TDRD9: variants seen among roughly 807,000 people sequenced by gnomAD.
TDRD9 encodes the protein tudor domain containing 9, also known as ATP-dependent RNA helicase TDRD9.
Under a neutral mutation model 172.6 loss-of-function variants are expected in TDRD9, and 124 were observed. The observed-to-expected ratio is 0.72, with a 90% CI of 0.62 to 0.83. The LOEUF (loss-of-function observed/expected upper bound fraction) is 0.83, where lower values mean the gene tolerates loss of function less well. TDRD9 is among the 40% of genes least tolerant of loss of function. The pLI is 0.00. For synonymous variants in TDRD9, 619 were observed against 617.1 expected, an observed-to-expected ratio of 1.00 and a Z score of -0.05; for missense variants, 1,479 against 1,714.1, an observed-to-expected ratio of 0.86 and a Z score of 2.42.
At chr14:103,947,805 G>A (rs189993336) in intron 1 of TDRD9, among the ~76,000 whole-genome samples, 28 of 152,258 alleles carry the variant, frequency 1.8e-4, no homozygotes, top group Non-Finnish European at 3.7e-4. Context: ...ACTTCACATC[G>A]TATGTGGCAA....
chr14:104,040,950 T>C (rs1165782621), intron 33 of TDRD9, among the ~76,000 whole-genome samples: 3 of 152,236 alleles, frequency 2.0e-5, no homozygotes, highest in Admixed American at 6.5e-5. Context: ...TTCATCGTTA[T>C]AGTAATTTAT....
intron 1 of TDRD9, among the ~76,000 whole-genome samples, chr14:103,940,217 G>T (rs1354670181): frequency 6.6e-6 from 1 of 152,118 alleles, no homozygotes; most frequent in Non-Finnish European, 1.5e-5. Context: ...TATCTTTACT[G>T]ATAGAGCTGA....
intron 4 of TDRD9, among the ~76,000 whole-genome samples, chr14:103,965,956 C>T (rs1027382745): frequency 6.6e-6 from 1 of 151,138 alleles, no homozygotes; most frequent in African/African-American, 2.4e-5. Flanking sequence ...AAACAAAAAA[C>T]AAACAAACAA....
At chr14:103,965,663 G>T (rs536305475) in intron 4 of TDRD9, 109 bp downstream of exon 4, 1 of 1,005,762 alleles carries the variant, frequency 9.9e-7, no homozygotes, top group African/African-American at 1.6e-5. Flanking sequence ...ATTTTCTGCT[G>T]AAAATTAGTT....
chr14:103,986,405 T>C (rs1341073975), intron 8 of TDRD9, 85 bp downstream of exon 8: 3 of 968,610 alleles, frequency 3.1e-6, no homozygotes, highest in Non-Finnish European at 4.6e-6. Context: ...AGTGTTTTTA[T>C]AAGAAGGTAT....
chr14:104,043,273 G>T (rs1344289656), intron 34 of TDRD9, among the ~76,000 whole-genome samples: 1 of 146,298 alleles, frequency 6.8e-6, no homozygotes, highest in African/African-American at 2.5e-5. Flanking sequence ...ATGGAGTCTT[G>T]CTCTGTCACC....
chr14:103,950,116 T>C (rs1177946625), intron 1 of TDRD9, among the ~76,000 whole-genome samples: 1 of 124,384 alleles, frequency 8.0e-6, no homozygotes, highest in Non-Finnish European at 1.7e-5. Context: ...TTTGATGGAG[T>C]TTCGCTCTTG....
chr14:104,004,244 CT>C lies in TDRD9; in HGVS notation c.1491del (p.Gly498AspfsTer34). The C allele has an allele frequency of 6.4e-7, 1 of 1,574,452 alleles. No individual in the cohort carries two copies. The highest frequency in any genetic ancestry group is 8.7e-7 in the Non-Finnish European group (1 of 1,150,432). ...GCACATCTCTCCTTTGAAGGCCGTG[CT>C]GGACGAGTGTCTAGAGGGTACTGTT... The part of the protein sequence containing the change: ...KTSCNQRKGR[A>X]GRVSRGYCYR... On this transcript the variant is annotated frameshift_variant, in exon 14 of 36. Transcript: ENST00000409874. LOFTEE classifies it high-confidence loss of function.
chr14:103,941,300 A>G (rs941560271), intron 1 of TDRD9: 2 of 1,032,390 alleles, frequency 1.9e-6, no homozygotes, highest in African/African-American at 3.2e-5. Context: ...CTACACAGTT[A>G]AAGAATTTAC....
chr14:104,024,384 C>T (rs986257779), intron 24 of TDRD9, among the ~76,000 whole-genome samples, 185 bp from the exon 25 acceptor site: 2 of 152,062 alleles, frequency 1.3e-5, no homozygotes, highest in Non-Finnish European at 2.9e-5. Context: ...CAGAGCTCTT[C>T]AAAAAGCCAG....
intron 9 of TDRD9, among the ~76,000 whole-genome samples, chr14:103,993,728 C>T (rs565684645): frequency 8.5e-5 from 13 of 152,318 alleles, no homozygotes; most frequent in Non-Finnish European, 1.3e-4. Context: ...GGATTAAGGG[C>T]TCACCCCATT....
At position 104,031,727 on chromosome 14, in the gene TDRD9, A is replaced by G. The variant is rs548251025; in HGVS notation, c.3439-290A>G. ...TGTGCAACTGGGTTGGTCTGCTGCA[A>G]TTGAAATAATAGTATTTTCACTAAA... is the stretch of plus-strand genomic sequence containing the variant. On this transcript the variant is annotated intron_variant, in intron 29 of 35. Coordinates refer to ENST00000409874, the MANE Select transcript of TDRD9 (RefSeq NM_153046.3). 4.6e-5 allele frequency among the ~76,000 whole-genome samples: 7 copies of G among 152,018 alleles called. No homozygotes were observed. The South Asian group carries it at 1.5e-3, about 32-fold the overall frequency.
intron 34 of TDRD9, among the ~76,000 whole-genome samples, chr14:104,045,390 CTTT>C (rs55844445): frequency 2.2e-4 from 30 of 133,868 alleles, no homozygotes; most frequent in Non-Finnish European, 3.1e-4. Flanking sequence ...GTCATTTATC[CTTT>C]TTTTTTTTTT....
chr14:103,942,699 G>A (rs1053719541), intron 1 of TDRD9, among the ~76,000 whole-genome samples: 2 of 152,170 alleles, frequency 1.3e-5, no homozygotes, highest in Admixed American at 1.3e-4. Flanking sequence ...AGGAAAAATA[G>A]ATTAGACTTG....
At chr14:103,941,052 GT>G (rs1219919526) in intron 1 of TDRD9, 1 of 1,535,206 alleles carries the variant, frequency 6.5e-7, no homozygotes, top group Non-Finnish European at 8.7e-7. Flanking sequence ...GCTTGAAGAT[GT>G]AGACTATTTC....
chr14:104,044,422 TA>T (rs1274383741), intron 34 of TDRD9, among the ~76,000 whole-genome samples: 1 of 152,228 alleles, frequency 6.6e-6, no homozygotes, highest in Non-Finnish European at 1.5e-5. Context: ...TACACCTCAG[TA>T]AAGCTGTGTT....
intron 1 of TDRD9, chr14:103,940,771 AGGT>A: frequency 7.2e-7 from 1 of 1,384,306 alleles, no homozygotes; most frequent in Admixed American, 2.0e-5. Flanking sequence ...AGGAGTTCTA[AGGT>A]GTTCATAAAA....
chr14:104,034,828 T>C (rs1301832583), intron 31 of TDRD9, 132 bp from the exon 32 acceptor site: 4 of 628,202 alleles, frequency 6.4e-6, no homozygotes, highest in Admixed American at 5.1e-5. Flanking sequence ...ACTATTGGGG[T>C]GGGCCTGTGG....
intron 28 of TDRD9, among the ~76,000 whole-genome samples, chr14:104,028,921 A>G (rs1436830688): frequency 2.6e-5 from 4 of 152,318 alleles, no homozygotes; most frequent in Middle Eastern, 3.4e-3. Flanking sequence ...TCCCAGCACC[A>G]TCTATTGAAG....
Sources: gnomAD v4.1 joint callset for allele counts (sites outside exome capture counted in the v4.1 genomes callset) on GRCh38, gnomAD v4.1.1 for gene constraint, MANE v1.5 for transcripts, NCBI Gene and HGNC (gene_info 2026-07-23, HGNC 2026-07-21) for gene names.